Variants in PRKAR2A observed in about 807,000 individuals in gnomAD.
The protein encoded by PRKAR2A is protein kinase cAMP-dependent type II regulatory subunit alpha.
A neutral mutation model predicts 51.9 loss-of-function variants in PRKAR2A; 29 were observed. The ratio of observed to expected loss-of-function variants is 0.56; its 90% confidence interval spans 0.42 to 0.76. PRKAR2A has a LOEUF of 0.76. PRKAR2A is among the 30% of genes least tolerant of loss of function. The pLI, the probability that PRKAR2A is intolerant of heterozygous loss-of-function variation, is 0.00. For synonymous variants in PRKAR2A, 178 were observed against 186.2 expected (o/e 0.96, Z 0.36); for missense variants, 445 against 512.1 (o/e 0.87, Z 1.26).
intron 1 of PRKAR2A, among the ~76,000 whole-genome samples, chr3:48,834,691 T>C (rs2083250140): frequency 6.9e-6 from 1 of 144,502 alleles, no homozygotes; most frequent in African/African-American, 2.6e-5. Context: ...ATCGCTGCAC[T>C]CTAGCCTGGG....
At chr3:48,846,911 T>C (rs1435621308) in intron 1 of PRKAR2A, among the ~76,000 whole-genome samples, 3 of 152,254 alleles carry the variant, frequency 2.0e-5, no homozygotes, top group Non-Finnish European at 4.4e-5. Context: ...TTGTCTATGC[T>C]TAAAAGTTTT....
At chr3:48,781,137 A>ATTTTTTTTTT (rs71077735) in intron 5 of PRKAR2A, among the ~76,000 whole-genome samples, 5 of 124,302 alleles carry the variant, frequency 4.0e-5, no homozygotes, top group Non-Finnish European at 5.1e-5. Context: ...TGCCTGGCTA[A>ATTTTTTTTTT]TTTTTTTTTT....
At chr3:48,785,094 C>CTTTT (rs34088103) in intron 4 of PRKAR2A, among the ~76,000 whole-genome samples, 1 of 137,398 alleles carries the variant, frequency 7.3e-6, no homozygotes, top group East Asian at 2.1e-4. Flanking sequence ...GGAAAATATT[C>CTTTT]TTTTTTTTTT....
chr3:48,827,545 T>A (rs2083089039), intron 1 of PRKAR2A, among the ~76,000 whole-genome samples: 1 of 152,198 alleles, frequency 6.6e-6, no homozygotes. Flanking sequence ...CAAACCTAGA[T>A]GGTACAGCCT....
chr3:48,768,621 C>G (rs1304277853), intron 6 of PRKAR2A, among the ~76,000 whole-genome samples: 8 of 151,684 alleles, frequency 5.3e-5, no homozygotes, highest in Non-Finnish European at 5.9e-5. Flanking sequence ...TTACTTGAAC[C>G]CTGGAGGCAG....
intron 8 of PRKAR2A, among the ~76,000 whole-genome samples, chr3:48,759,139 T>C (rs1033288602): frequency 1.3e-5 from 2 of 152,202 alleles, no homozygotes; most frequent in Admixed American, 6.5e-5. Context: ...CTGAAAACAG[T>C]TGATCTTTGT....
intron 1 of PRKAR2A, among the ~76,000 whole-genome samples, chr3:48,818,810 A>G (rs962922547): frequency 1.3e-5 from 2 of 152,178 alleles, no homozygotes; most frequent in Non-Finnish European, 2.9e-5. Flanking sequence ...TAAGGGTAGT[A>G]CTACTTACCA....
At chr3:48,826,516 TGA>T (rs1312076981) in intron 1 of PRKAR2A, among the ~76,000 whole-genome samples, 5 of 152,142 alleles carry the variant, frequency 3.3e-5, no homozygotes, top group Non-Finnish European at 7.4e-5. Context: ...AATTTTGTGT[TGA>T]GAGTTTTTAC....
At chr3:48,822,796 T>C (rs2082990887) in intron 1 of PRKAR2A, among the ~76,000 whole-genome samples, 1 of 149,582 alleles carries the variant, frequency 6.7e-6, no homozygotes, top group African/African-American at 2.5e-5. Flanking sequence ...GGTGCAATCA[T>C]GGCCTTGACT....
chr3:48,780,738 C>T (rs916806048), intron 5 of PRKAR2A, among the ~76,000 whole-genome samples: 1 of 151,402 alleles, frequency 6.6e-6, no homozygotes, highest in Admixed American at 6.6e-5. Context: ...AGAAGAAAGG[C>T]AACCAATGTA....
In PRKAR2A at chr3:48,817,283, C is replaced by T. The variant is rs960912928; in HGVS notation, c.263-9599G>A. ...TGGAGGTTGCAGTGAGCCGAGATTG[C>T]GCCACCATACTCCATCCTGGTGACA... On this transcript the variant is annotated intron_variant, in intron 1 of 10. Transcript: ENST00000265563. Among the ~76,000 whole-genome samples the T allele has an allele frequency of 2.1e-4, 32 of 151,290 alleles. 1 individual carries two copies. The highest frequency in any genetic ancestry group is 8.8e-5 in the Non-Finnish European group (6 of 67,928).
chr3:48,846,377 C>A (rs955471128), intron 1 of PRKAR2A, among the ~76,000 whole-genome samples: 2 of 151,988 alleles, frequency 1.3e-5, no homozygotes, highest in South Asian at 4.1e-4. Context: ...CCACCACGCC[C>A]GGCTAATTTT....
chr3:48,821,454 T>C (rs897585493), intron 1 of PRKAR2A, among the ~76,000 whole-genome samples: 1 of 152,216 alleles, frequency 6.6e-6, no homozygotes, highest in African/African-American at 2.4e-5. Flanking sequence ...TTTTTAAATA[T>C]GCAAGTTCCC....
Position 48,847,203 on chromosome 3 carries a change from A to C in PRKAR2A, c.262+132T>G, listed in dbSNP as rs2083478357. On this transcript the variant is annotated intron_variant, in intron 1 of 10. Coordinates refer to ENST00000265563, the MANE Select transcript of PRKAR2A (RefSeq NM_004157.4). The surrounding 1 kb of genome is among the most constrained non-coding windows in gnomAD (Gnocchi z 4.4). The stretch of plus-strand genomic sequence containing the variant: ...CGCCGGTGTCTCAGGGAAACGCTAG[A>C]AACGCGGCTACAGAGCTCCCAATCC... 1 of 1,182,264 alleles carries C rather than the reference A, an allele frequency of 8.5e-7. No individual in the cohort carries two copies. The highest frequency in any genetic ancestry group is 1.2e-6 in the Non-Finnish European group (1 of 862,496). 73.2% of individuals were successfully genotyped at this position (1,182,264 alleles called of 1,614,324 possible).
intron 1 of PRKAR2A, 124 bp from the exon 2 acceptor site, chr3:48,807,808 C>A: frequency 2.8e-6 from 2 of 718,082 alleles, no homozygotes; most frequent in Admixed American, 2.3e-5. Context: ...TGGGTCAGTT[C>A]ATAGTCTTCC....
chr3:48,825,769 C>T (rs988909369), intron 1 of PRKAR2A, among the ~76,000 whole-genome samples: 4 of 152,116 alleles, frequency 2.6e-5, no homozygotes. Flanking sequence ...ACATCTGGCC[C>T]CTAATTTCAG....
In PRKAR2A at chr3:48,755,196, CTG is replaced by C. The variant is rs538014921; in HGVS notation, c.939+1181_939+1182del. The stretch of plus-strand genomic sequence containing the variant: ...TATTTTTATTAGAGACAGGGTTTCA[CTG>C]TGTTAGCCAGGATGGTCTCAATCTC... On this transcript the variant is annotated intron_variant, in intron 9 of 10. Coordinates refer to ENST00000265563, the MANE Select transcript of PRKAR2A (RefSeq NM_004157.4). 6.0e-3 allele frequency among the ~76,000 whole-genome samples: 918 copies of C among 151,946 alleles called. 4 individuals carry two copies. Among genetic ancestry groups the C allele is most frequent in the Non-Finnish European group, 0.01 (692 of 67,950 alleles).
chr3:48,751,823 GGGACAC>G, intron 10 of PRKAR2A, 105 bp from the exon 11 acceptor site: 1 of 1,337,062 alleles, frequency 7.5e-7, no homozygotes, highest in Admixed American at 2.5e-5. Flanking sequence ...ATTACGCCTT[GGGACAC>G]CAGCCACTTG....
rs1575954849 is a variant in PRKAR2A, at chr3:48,836,346, G to A, written c.262+10989C>T. Among the ~76,000 whole-genome samples, 8 of 147,016 alleles carry A rather than the reference G, an allele frequency of 5.4e-5. 1 individual carries two copies. In the Admixed American group the frequency reaches 5.6e-4, roughly 10 times the overall value. On this transcript the variant is annotated intron_variant, in intron 1 of 10. Transcript: ENST00000265563. ...AGGCAGGAGAATCGCCTGAACCCAG[G>A]AGGCGGAGGTTGCAGTGAGCCAAGA...
Sources: gnomAD v4.1 joint callset for allele counts (sites outside exome capture counted in the v4.1 genomes callset) on GRCh38, gnomAD v4.1.1 for gene constraint, Gnocchi (gnomAD v3.1) non-coding constraint, MANE v1.5 for transcripts, NCBI Gene and HGNC (gene_info 2026-07-23, HGNC 2026-07-21) for gene names.